CLTB: variants seen among roughly 807,000 people sequenced by gnomAD.
CLTB encodes clathrin light chain B.
In CLTB, 10 loss-of-function variants were observed where a neutral mutation model predicts 30.5. That is an observed-to-expected ratio of 0.33 (90% CI 0.20 to 0.56). The LOEUF is 0.56. Ranked by LOEUF, CLTB falls within the 20% of genes least tolerant of loss-of-function variation. The probability of loss-of-function intolerance (pLI) is 0.91; values close to 1 mark genes in which losing one functional copy is unlikely to be tolerated. For missense variants in CLTB, 261 were observed against 308.3 expected (o/e 0.85, Z 1.15); for synonymous variants, 102 against 120.3 (o/e 0.85, Z 1.00).
At position 176,397,887 on chromosome 5, in the gene CLTB, C is replaced by T. The variant is rs377430956; in HGVS notation, c.352+43G>A. 44 of 1,566,976 alleles carry T rather than the reference C, an allele frequency of 2.8e-5. No individual in the cohort carries two copies. The African/African-American group carries it at 5.0e-4, about 18-fold the overall frequency. On this transcript the variant is annotated intron_variant, in intron 3 of 5. Transcript: ENST00000310418. ...CGAGGACTCCCCACACTCCACCCCACACACAGCCCACCCAGCCAACCCCGC... is the reference window on the plus strand; with the variant it reads ...CGAGGACTCCCCACACTCCACCCCATACACAGCCCACCCAGCCAACCCCGC...
At chr5:176,396,344 G>A in intron 5 of CLTB, 135 bp downstream of exon 5, 1 of 799,336 alleles carries the variant, frequency 1.3e-6, no homozygotes, top group Non-Finnish European at 2.2e-6. Context: ...ACCCACCAGG[G>A]CATTTGCCTC....
Position 176,414,098 on chromosome 5 carries a change from A to G in CLTB, c.187+2079T>C, listed in dbSNP as rs1451504090. On this transcript the variant is annotated intron_variant, in intron 1 of 5. Transcript: ENST00000310418. ...TCTGGCTGCCCTCAGCCTGAATCCC[A>G]TCTTTTCTCTCCTGAGGTTCTCACA... 2.0e-5 allele frequency among the ~76,000 whole-genome samples: 3 copies of G among 152,064 alleles called. No homozygotes were observed. The South Asian group carries it at 6.2e-4, about 32-fold the overall frequency.
intron 2 of CLTB, chr5:176,401,829 C>T (rs1756835428): frequency 8.8e-6 from 4 of 453,836 alleles, no homozygotes; most frequent in South Asian, 4.7e-5. Context: ...TCCTTCCTTC[C>T]CATCCCCCGT....
intron 5 of CLTB, among the ~76,000 whole-genome samples, chr5:176,394,616 C>T (rs1280656144): frequency 5.3e-5 from 8 of 151,720 alleles, no homozygotes; most frequent in Non-Finnish European, 7.4e-5. Context: ...AGATGGAGAG[C>T]ATCCTGGCTA....
rs113929228 is a variant in CLTB, at chr5:176,403,497, C to T, written c.235-5450G>A. Among the ~76,000 whole-genome samples the T allele has an allele frequency of 2.4e-3, 369 of 152,098 alleles. 2 individuals carry two copies. The highest frequency in any genetic ancestry group is 8.4e-3 in the African/African-American group (350 of 41,494). On this transcript the variant is annotated intron_variant, in intron 2 of 5. Transcript: ENST00000310418. ...TGAGATGGAGTCTCGCTCTGTCACC[C>T]AGGCTGGAGTGCAGTGACGTGATCT...
intron 2 of CLTB, among the ~76,000 whole-genome samples, chr5:176,400,292 G>T (rs1355354284): frequency 6.6e-6 from 1 of 152,176 alleles, no homozygotes; most frequent in African/African-American, 2.4e-5. Flanking sequence ...ATATTTGTGA[G>T]ATATTTAGAA....
chr5:176,398,707 C>T (rs563327985), intron 2 of CLTB, among the ~76,000 whole-genome samples: 74 of 151,878 alleles, frequency 4.9e-4, no homozygotes, highest in Non-Finnish European at 3.2e-4. Flanking sequence ...AGCAAAACCC[C>T]GTCTCAAAAA....
In CLTB at chr5:176,392,908, C is replaced by G; in HGVS notation, c.556G>C (p.Glu186Gln). 2 of 1,614,202 alleles carry G rather than the reference C, an allele frequency of 1.2e-6. No homozygotes were observed. The highest frequency in any genetic ancestry group is 1.7e-6 in the Non-Finnish European group (2 of 1,180,020). Residue 186 changes from glutamate to glutamine, a missense_variant, in exon 6 of 6, where the codon GAG becomes CAG. This residue lies in a region of CLTB where 123 missense variants were observed against 157.0 expected (regional missense o/e 0.78). Transcript: ENST00000310418. This position sits in a 1 kb window ranked among gnomAD's most constrained non-coding sequence, Gnocchi z 5.2. Reference sequence around the variant, plus strand: ...TTCTCCCACTCTGTGCCTGGGGTCTCCTCCTTGGATTCCTTCACGAAAGCC... The same window carrying G: ...TTCTCCCACTCTGTGCCTGGGGTCTGCTCCTTGGATTCCTTCACGAAAGCC... ...EEAFVKESKE[E>Q]TPGTEWEKVA... is the part of the protein sequence containing the mutation.
chr5:176,416,190 G>T lies in CLTB; in HGVS notation c.174C>A (p.Gly58=). 1 of 1,584,110 alleles carries T rather than the reference G, an allele frequency of 6.3e-7. No homozygotes were observed. Among genetic ancestry groups the T allele is most frequent in the East Asian group, 2.4e-5 (1 of 41,370 alleles). The change falls in exon 1 of 6, where the codon GGC becomes GGA. Residue 58 remains glycine, a synonymous_variant. Transcript: ENST00000310418. ...AGSHAAPAQP[G]PTSGAGSEDM... is the part of the protein sequence containing the mutation. The stretch of plus-strand genomic sequence containing the variant: ...GCGCTGACTCACCCCCACTCGTGGG[G>T]CCCGGCTGCGCGGGGGCCGCATGGC...
rs527776169 is a variant in CLTB, at chr5:176,410,363, G to T, written c.188-60C>A. The T allele has an allele frequency of 3.5e-5, 52 of 1,491,022 alleles. No individual in the cohort carries two copies. The East Asian group carries it at 1.0e-3, about 29-fold the overall frequency. 92.4% of individuals were successfully genotyped at this position (1,491,022 alleles called of 1,614,324 possible). On this transcript the variant is annotated intron_variant, in intron 1 of 5. Coordinates refer to ENST00000310418, the MANE Select transcript of CLTB (RefSeq NM_007097.5). ...GTTTAGCTTATAGCAAGCAGGAAAT[G>T]GTCCTACATTAGCCCCTCAACCCAA...
At position 176,392,990 on chromosome 5, in the gene CLTB, C is replaced by G; in HGVS notation, c.519-45G>C. On this transcript the variant is annotated intron_variant, in intron 5 of 5. Coordinates refer to ENST00000310418, the MANE Select transcript of CLTB (RefSeq NM_007097.5). The surrounding 1 kb of genome is among the most constrained non-coding windows in gnomAD (Gnocchi z 5.2). The stretch of plus-strand genomic sequence containing the variant: ...GGGCTTTTATAGCAGTCTGCTTTCC[C>G]CCAGCCTTGCCCTTGAGCAAGGCTG... The G allele has an allele frequency of 6.2e-7, 1 of 1,609,128 alleles. No homozygotes were observed.
chr5:176,396,983 T>C (rs1371689424), intron 4 of CLTB, among the ~76,000 whole-genome samples: 1 of 152,142 alleles, frequency 6.6e-6, no homozygotes, highest in Non-Finnish European at 1.5e-5. Context: ...CTAGTCATCT[T>C]CCAAAGCCCA....
intron 2 of CLTB, among the ~76,000 whole-genome samples, chr5:176,409,384 A>G (rs905181191): frequency 1.4e-5 from 2 of 148,078 alleles, no homozygotes; most frequent in Non-Finnish European, 1.5e-5. Flanking sequence ...TTTTCACGTC[A>G]ATACAGGAAG....
At position 176,398,004 on chromosome 5, in the gene CLTB, G is replaced by A. The variant is rs545789858; in HGVS notation, c.278C>T (p.Ala93Val). ...CTCAGGCTCCTGGGTCAGCCTGTCAGCCTGGGCAATGGCTGCGTAGCCATC... is the reference window on the plus strand; with the variant it reads ...CTCAGGCTCCTGGGTCAGCCTGTCAACCTGGGCAATGGCTGCGTAGCCATC... The part of the protein sequence containing the change: ...PADGYAAIAQ[A>V]DRLTQEPESI... The change falls in exon 3 of 6, where the codon GCT (alanine) becomes GTT (valine). Residue 93 changes from alanine (A) to valine (V), a missense_variant. Coordinates refer to ENST00000310418, the MANE Select transcript of CLTB (RefSeq NM_007097.5). 1 of 1,614,090 alleles carries A rather than the reference G, an allele frequency of 6.2e-7. No individual in the cohort carries two copies. Among genetic ancestry groups the A allele is most frequent in the African/African-American group, 1.3e-5 (1 of 75,058 alleles).
intron 2 of CLTB, among the ~76,000 whole-genome samples, chr5:176,409,814 T>C (rs1757334572): frequency 6.6e-6 from 1 of 152,220 alleles, no homozygotes; most frequent in Non-Finnish European, 1.5e-5. Context: ...CCATTATAAA[T>C]AACCCTGCAA....
intron 2 of CLTB, among the ~76,000 whole-genome samples, chr5:176,406,915 C>G (rs1018694440): frequency 1.3e-5 from 2 of 152,174 alleles, no homozygotes; most frequent in African/African-American, 4.8e-5. Flanking sequence ...CAAAGCACAC[C>G]GGGTCGGAGC....
chr5:176,405,535 A>C (rs539458978), intron 2 of CLTB: 3 of 152,336 alleles, frequency 2.0e-5, no homozygotes, highest in Non-Finnish European at 2.9e-5. Flanking sequence ...AAGAAAAAAA[A>C]GAGAGCTCTT....
chr5:176,416,221 G>A lies in CLTB; in HGVS notation c.143C>T (p.Ala48Val). The A allele has an allele frequency of 2.5e-6, 4 of 1,598,398 alleles. No homozygotes were observed. The highest frequency in any genetic ancestry group is 1.1e-5 in the South Asian group (1 of 89,840). The change falls in exon 1 of 6, where the codon GCC becomes GTC. Residue 48 changes from alanine (A) to valine (V), a missense_variant. By Grantham distance (64) the Ala-to-Val change is moderately conservative. Coordinates refer to ENST00000310418, the MANE Select transcript of CLTB (RefSeq NM_007097.5). ...IENDEGFGAP[A>V]GSHAAPAQPG... ...CTGCGCGGGGGCCGCATGGCTGCCGGCAGGTGCCCCGAAGCCCTCGTCGTT... is the reference window on the plus strand; with the variant it reads ...CTGCGCGGGGGCCGCATGGCTGCCGACAGGTGCCCCGAAGCCCTCGTCGTT...
In CLTB at chr5:176,392,693, A is replaced by G. The variant is rs1031689656; in HGVS notation, c.*81T>C. 1 of 1,507,634 alleles carries G rather than the reference A, an allele frequency of 6.6e-7. No individual in the cohort carries two copies. Among genetic ancestry groups the G allele is most frequent in the Non-Finnish European group, 9.1e-7 (1 of 1,098,174 alleles). 93.4% of individuals were successfully genotyped at this position (1,507,634 alleles called of 1,614,324 possible). A position where few individuals can be genotyped will look rare whatever the true frequency, so the allele number is the denominator to read the frequency against. On this transcript the variant is annotated 3_prime_UTR_variant, in exon 6 of 6. Coordinates refer to ENST00000310418, the MANE Select transcript of CLTB (RefSeq NM_007097.5). This position sits in a 1 kb window ranked among gnomAD's most constrained non-coding sequence, Gnocchi z 5.2. Reference sequence around the variant, plus strand: ...TAGGCTGTGGGTAGCAGCTGCTGCGAGTCTCCACCCCGACCAAAGCAGCTG... The same window carrying G: ...TAGGCTGTGGGTAGCAGCTGCTGCGGGTCTCCACCCCGACCAAAGCAGCTG...
Sources: gnomAD v4.1 joint callset for allele counts (sites outside exome capture counted in the v4.1 genomes callset) on GRCh38, gnomAD v4.1.1 for gene constraint, gnomAD v4.1.1 regional missense constraint, Gnocchi (gnomAD v3.1) non-coding constraint, MANE v1.5 for transcripts, NCBI Gene and HGNC (gene_info 2026-07-23, HGNC 2026-07-21) for gene names.